TENM3: variants seen among roughly 807,000 people sequenced by gnomAD.
TENM3 encodes the protein teneurin-3.
In TENM3, 63 loss-of-function variants were observed where a neutral mutation model predicts 255.1. The observed-to-expected ratio is 0.25, with a 90% CI of 0.20 to 0.30. The LOEUF (loss-of-function observed/expected upper bound fraction) is 0.30. TENM3 is among the 10% of genes least tolerant of loss of function. The probability of loss-of-function intolerance (pLI) is 1.00; values close to 1 mark genes in which losing one functional copy is unlikely to be tolerated. For missense variants in TENM3, 2,929 were observed against 3,461.1 expected (o/e 0.85, Z 3.86); for synonymous variants, 1,306 against 1,322.3 (o/e 0.99, Z 0.27).
chr4:181,699,702 T>C, the TENM3 span, among the ~76,000 whole-genome samples: 2 of 152,188 alleles, frequency 1.3e-5, no homozygotes, highest in Non-Finnish European at 2.9e-5. Flanking sequence ...CTCATGTAGA[T>C]GTGATTTTGT....
the TENM3 span, among the ~76,000 whole-genome samples, chr4:181,987,066 C>T: frequency 0.016 from 2,362 of 152,108 alleles, 33 homozygotes; most frequent in Middle Eastern, 0.048. Flanking sequence ...AAAACCAACC[C>T]GTCCCAAAAC....
chr4:181,700,240 TTTC>T, the TENM3 span, among the ~76,000 whole-genome samples: 7 of 152,042 alleles, frequency 4.6e-5, no homozygotes, highest in African/African-American at 1.7e-4. Flanking sequence ...CTTTTTTTTT[TTTC>T]TTTTCTGTGA....
At chr4:181,820,166 C>G in the TENM3 span, 1 of 152,100 alleles carries the variant, frequency 6.6e-6, no homozygotes, top group Non-Finnish European at 1.5e-5. Flanking sequence ...GGGAAGAAGG[C>G]TTGGAGCAGC....
intron 24 of TENM3, among the ~76,000 whole-genome samples, chr4:182,777,297 A>G (rs1764750473): frequency 6.6e-6 from 1 of 152,178 alleles, no homozygotes; most frequent in Non-Finnish European, 1.5e-5. Flanking sequence ...CACATGGTGG[A>G]CACTCAAATA....
At chr4:181,814,341 A>C in the TENM3 span, among the ~76,000 whole-genome samples, 1 of 152,338 alleles carries the variant, frequency 6.6e-6, no homozygotes. Flanking sequence ...GTAGCCATAA[A>C]CCAGTATGGA....
intron 4 of TENM3, among the ~76,000 whole-genome samples, chr4:182,615,063 A>ATATATATATATATATATATG (rs1561005331): frequency 7.2e-5 from 9 of 124,192 alleles, no homozygotes; most frequent in African/African-American, 2.6e-4. Flanking sequence ...ATATATATAT[A>ATATATATATATATATATATG]TATGTATTTT....
intron 24 of TENM3, among the ~76,000 whole-genome samples, chr4:182,785,536 T>G (rs1286948639): frequency 6.6e-6 from 1 of 151,128 alleles, no homozygotes; most frequent in Non-Finnish European, 1.5e-5. Context: ...GGGGAGACCC[T>G]GTCTCTACTA....
chr4:182,211,180 T>C (rs1755013247), intron 1 of TENM3, among the ~76,000 whole-genome samples: 1 of 152,256 alleles, frequency 6.6e-6, no homozygotes, highest in African/African-American at 2.4e-5. Context: ...CAGGATTGTT[T>C]TTAAGAGTAA....
At chr4:182,461,286 A>C (rs943128102) in intron 3 of TENM3, among the ~76,000 whole-genome samples, 5 of 152,208 alleles carry the variant, frequency 3.3e-5, no homozygotes, top group African/African-American at 1.2e-4. Flanking sequence ...AAGTACAGGT[A>C]GGCTTATGGA....
chr4:182,393,092 G>A (rs1284659105), intron 3 of TENM3, among the ~76,000 whole-genome samples: 4 of 152,126 alleles, frequency 2.6e-5, no homozygotes, highest in African/African-American at 7.2e-5. Context: ...TTCCATCACC[G>A]TCTGTGTAGC....
chr4:181,511,203 C>A, the TENM3 span, among the ~76,000 whole-genome samples: 1 of 152,182 alleles, frequency 6.6e-6, no homozygotes, highest in Admixed American at 6.5e-5. Context: ...ATGGCACCAG[C>A]TCAGTTTGTG....
At chr4:182,257,955 T>C (rs1421881756) in intron 1 of TENM3, among the ~76,000 whole-genome samples, 2 of 152,168 alleles carry the variant, frequency 1.3e-5, no homozygotes, top group Non-Finnish European at 2.9e-5. Context: ...TTGTTGTTTT[T>C]ACTCTGTTAG....
chr4:182,050,333 G>A, the TENM3 span, among the ~76,000 whole-genome samples: 11 of 151,946 alleles, frequency 7.2e-5, no homozygotes, highest in Non-Finnish European at 2.9e-5. Flanking sequence ...ATCCCTTGTT[G>A]GAATACAAAA....
the TENM3 span, among the ~76,000 whole-genome samples, chr4:181,839,447 T>A: frequency 6.9e-6 from 1 of 145,418 alleles, no homozygotes; most frequent in African/African-American, 2.5e-5. Context: ...TTTGTGTGCA[T>A]TGATATATAT....
chr4:181,769,640 G>A, the TENM3 span, among the ~76,000 whole-genome samples: 1 of 152,074 alleles, frequency 6.6e-6, no homozygotes, highest in Non-Finnish European at 1.5e-5. Context: ...TCATATCCAG[G>A]TACAAATAAA....
rs1374457622 is a variant in TENM3 at position 182,653,628 on chromosome 4, A to C, written c.989-143A>C. On this transcript the variant is annotated intron_variant, in intron 5 of 27. Coordinates refer to ENST00000511685, the MANE Select transcript of TENM3 (RefSeq NM_001080477.4). ...TGTTTGAGGAACTCTTTGTTTTATA[A>C]TTTTCATTGCGCAGTTATCCTTGGT... 5.5e-6 allele frequency: 5 copies of C among 901,386 alleles called. No homozygotes were observed. In the East Asian group the frequency reaches 1.4e-4, roughly 26 times the overall value. The allele number at this position is 901,386 out of a possible 1,614,324, so 55.8% of individuals were successfully genotyped here.
the TENM3 span, among the ~76,000 whole-genome samples, chr4:181,454,668 A>ATACCATTTTTATACTTTTTTTTTTTTTAT: frequency 1.1e-5 from 1 of 88,176 alleles, no homozygotes; most frequent in African/African-American, 5.0e-5. Context: ...TATGTTTTTT[A>ATACCATTTTTATACTTTTTTTTTTTTTAT]TACCATTTTT....
At chr4:182,791,921 C>T (rs966265880) in intron 25 of TENM3, among the ~76,000 whole-genome samples, 2 of 152,122 alleles carry the variant, frequency 1.3e-5, no homozygotes, top group African/African-American at 4.8e-5. Flanking sequence ...CCCATATGCT[C>T]TTTTCTCCTC....
At chr4:181,673,657 A>T in the TENM3 span, among the ~76,000 whole-genome samples, 2 of 152,180 alleles carry the variant, frequency 1.3e-5, no homozygotes, top group African/African-American at 4.8e-5. Flanking sequence ...ACCACTAAGA[A>T]CAACTTTTAA....
Sources: allele counts gnomAD v4.1 joint callset (sites outside exome capture counted in the v4.1 genomes callset), GRCh38; gene constraint gnomAD v4.1.1; transcripts MANE v1.5; gene names NCBI Gene and HGNC (gene_info 2026-07-23, HGNC 2026-07-21).